TET1: variants seen among roughly 807,000 people sequenced by gnomAD.
The protein encoded by TET1 is methylcytosine dioxygenase TET1.
TET1 carries 13 observed loss-of-function variants against 148.7 expected under a neutral mutation model. That is an observed-to-expected ratio of 0.09 (90% CI 0.06 to 0.14). TET1 has a LOEUF of 0.14. Among genes scored for constraint, TET1 ranks in the 10% least tolerant of loss-of-function variants. The pLI, the probability that TET1 is intolerant of heterozygous loss-of-function variation, is 1.00. For missense variants in TET1, 2,182 were observed against 2,553.8 expected (o/e 0.85, Z 3.14); for synonymous variants, 907 against 937.2 (o/e 0.97, Z 0.59).
rs1264547810 is a variant in TET1, at chr10:68,645,358, C to A, written c.2629C>A (p.Leu877Ile). The A allele has an allele frequency of 4.3e-5, 70 of 1,614,040 alleles. No individual in the cohort carries two copies. The highest frequency in any genetic ancestry group is 5.8e-5 in the Non-Finnish European group (69 of 1,180,056). ...PKDGSPVQPS[L>I]LSLMKDRRLT... The stretch of plus-strand genomic sequence containing the variant: ...AGATGGATCTCCCGTTCAACCAAGT[C>A]TCTTATCGTTAATGAAAGATAGGAG... Residue 877 changes from leucine to isoleucine, a missense_variant, in exon 4 of 12, where the codon CTC becomes ATC. By Grantham distance (5) the Leu-to-Ile change is conservative. This residue lies in a region of TET1 where 582 missense variants were observed against 599.5 expected (regional missense o/e 0.97). Transcript: ENST00000373644.
chr10:68,580,797 A>ATATAT (rs1431291059), intron 2 of TET1, among the ~76,000 whole-genome samples: 11 of 128,326 alleles, frequency 8.6e-5, no homozygotes, highest in African/African-American at 2.8e-4. Flanking sequence ...AAAAAAAAAA[A>ATATAT]AAAAAAAAAT....
chr10:68,625,660 C>T (rs2054466853), intron 3 of TET1, among the ~76,000 whole-genome samples: 1 of 152,130 alleles, frequency 6.6e-6, no homozygotes, highest in African/African-American at 2.4e-5. Context: ...TTGCAACCTT[C>T]CTTAATTGTA....
intron 4 of TET1, among the ~76,000 whole-genome samples, chr10:68,651,264 A>G (rs914929105): frequency 2.0e-5 from 3 of 152,148 alleles, no homozygotes; most frequent in Non-Finnish European, 2.9e-5. Flanking sequence ...CCTGGCTAAC[A>G]TGGTGAAACC....
chr10:68,579,344 C>G (rs2053766953), intron 2 of TET1, among the ~76,000 whole-genome samples: 1 of 152,254 alleles, frequency 6.6e-6, no homozygotes, highest in Non-Finnish European at 1.5e-5. Flanking sequence ...TCCTCGCCTC[C>G]TTTGCTCATC....
In TET1 at chr10:68,600,981, G is replaced by A. The variant is rs545206990; in HGVS notation, c.1915G>A (p.Val639Ile). The change falls in exon 3 of 12, where the codon GTT (valine) becomes ATT (isoleucine). Residue 639 changes from valine (V) to isoleucine (I), a missense_variant and splice_region_variant. Around this residue, in one of 11 missense-constraint regions of TET1, gnomAD observed 226 missense variants for 307.4 expected, o/e 0.74. Transcript: ENST00000373644. ...CATTTTGCAATTTGATTTTTTTTAG[G>A]TTATAAAGGAAAACAAGAGGCCCCA... Reference protein sequence around the residue: ...KKPSVVVPLEVIKENKRPQRE... With the variant: ...KKPSVVVPLEIIKENKRPQRE... 2.5e-6 allele frequency: 4 copies of A among 1,602,818 alleles called. No homozygotes were observed. Among genetic ancestry groups the A allele is most frequent in the Non-Finnish European group, 3.4e-6 (4 of 1,177,612 alleles).
rs765929366 is a variant in TET1, at chr10:68,691,201, C to T, written c.5798C>T (p.Pro1933Leu). Residue 1933 changes from proline (P) to leucine (L), a missense_variant, in exon 12 of 12, where the codon CCG (proline) becomes CTG (leucine). Pro to Leu is a moderately conservative substitution (Grantham distance 98). Around this residue, in one of 11 missense-constraint regions of TET1, gnomAD observed 380 missense variants for 387.9 expected, o/e 0.98. Coordinates refer to ENST00000373644, the MANE Select transcript of TET1 (RefSeq NM_030625.3). This position sits in a 1 kb window ranked among gnomAD's most constrained non-coding sequence, Gnocchi z 4.4. ...NSEPSTGVTE[P>L]LTPHQPNHQP... ...GAGCCTTCCACTGGTGTGACTGAGC[C>T]GCTAACGCCTCATCAGCCAAACCAC... 7.0e-5 allele frequency: 113 copies of T among 1,614,142 alleles called. 1 individual carries two copies. The South Asian group carries it at 1.1e-3, about 15-fold the overall frequency.
At chr10:68,600,223 T>C (rs2054036147) in intron 2 of TET1, among the ~76,000 whole-genome samples, 1 of 152,080 alleles carries the variant, frequency 6.6e-6, no homozygotes, top group Non-Finnish European at 1.5e-5. Context: ...CTAGGCTCAG[T>C]TATGTCTCCT....
At chr10:68,595,961 T>TACAC (rs781144879) in intron 2 of TET1, among the ~76,000 whole-genome samples, 4 of 37,306 alleles carry the variant, frequency 1.1e-4, no homozygotes, top group African/African-American at 3.5e-4. Context: ...TATATATATA[T>TACAC]ACACACACAC....
chr10:68,624,646 TTCTTTCTTTCTTTCTC>T (rs1321688103), intron 3 of TET1, among the ~76,000 whole-genome samples: 132 of 54,020 alleles, frequency 2.4e-3, no homozygotes, highest in Admixed American at 4.8e-3. Context: ...CTTTCTTTCT[TTCTTTCTTTCTTTCTC>T]TCTCTCTCTC....
Position 68,686,554 on chromosome 10 carries a change from G to T in TET1, c.5251G>T (p.Val1751Phe). The stretch of plus-strand genomic sequence containing the variant: ...AAAAAGAACGTGTTTCACTCAGCCT[G>T]TTCCCCGTTCTGGAAAGAAGAGGGC... ...RKKRTCFTQP[V>F]PRSGKKRAAM... is the part of the protein sequence containing the mutation. The change falls in exon 11 of 12, where the codon GTT (valine) becomes TTT (phenylalanine). Residue 1751 changes from valine (V) to phenylalanine (F), a missense_variant. Coordinates refer to ENST00000373644, the MANE Select transcript of TET1 (RefSeq NM_030625.3). The T allele has an allele frequency of 6.2e-7, 1 of 1,614,154 alleles. No individual in the cohort carries two copies. The highest frequency in any genetic ancestry group is 8.5e-7 in the Non-Finnish European group (1 of 1,180,048).
chr10:68,662,306 G>C (rs1477824367), intron 6 of TET1, among the ~76,000 whole-genome samples: 1 of 152,054 alleles, frequency 6.6e-6, no homozygotes, highest in Non-Finnish European at 1.5e-5. Flanking sequence ...ACCGTACCCA[G>C]CCTGTTGTTA....
intron 3 of TET1, chr10:68,632,453 C>T: frequency 1.2e-6 from 2 of 1,612,402 alleles, no homozygotes; most frequent in African/African-American, 1.3e-5. Flanking sequence ...GAAAATACTC[C>T]CTGCGCCCGG....
Position 68,693,248 on chromosome 10 carries a change from G to A in TET1, c.*1434G>A, listed in dbSNP as rs1407237128. ...ACAAAAAGGATTACCCAAACAACATGTTTCGAACAAGGAGAATTTTCAATG... is the reference window on the plus strand; with the variant it reads ...ACAAAAAGGATTACCCAAACAACATATTTCGAACAAGGAGAATTTTCAATG... On this transcript the variant is annotated 3_prime_UTR_variant, in exon 12 of 12. Transcript: ENST00000373644. The A allele has an allele frequency of 8.6e-6, 2 of 232,546 alleles. No individual in the cohort carries two copies. Among genetic ancestry groups the A allele is most frequent in the African/African-American group, 4.4e-5 (2 of 45,182 alleles). The allele number at this position is 232,546 out of a possible 1,614,324, so 14.4% of individuals were successfully genotyped here. A position where few individuals can be genotyped will look rare whatever the true frequency, so the allele number is the denominator to read the frequency against.
chr10:68,563,258 A>C (rs1324128346), intron 1 of TET1, among the ~76,000 whole-genome samples: 1 of 152,172 alleles, frequency 6.6e-6, no homozygotes, highest in East Asian at 1.9e-4. Flanking sequence ...CAGCTTTTAC[A>C]TGTGCCGAGG....
In TET1 at chr10:68,646,616, C is replaced by T; in HGVS notation, c.3887C>T (p.Ala1296Val). Reference protein sequence around the residue: ...VQLTVNANQKAHPLTQPSSPP... With the variant: ...VQLTVNANQKVHPLTQPSSPP... ...TTAACGGTGAATGCCAATCAGAAAG[C>T]CCATCCTTTGACCCAGCCCTCCTCT... The change falls in exon 4 of 12, where the codon GCC becomes GTC. Residue 1296 changes from alanine (A) to valine (V), a missense_variant. Ala to Val is a moderately conservative substitution (Grantham distance 64). Transcript: ENST00000373644. The T allele has an allele frequency of 6.2e-7, 1 of 1,614,164 alleles. No individual in the cohort carries two copies.
chr10:68,639,466 CTATTAT>C (rs76248128), intron 3 of TET1, among the ~76,000 whole-genome samples: 6 of 113,164 alleles, frequency 5.3e-5, no homozygotes, highest in African/African-American at 1.7e-4. Flanking sequence ...ACTACTACTA[CTATTAT>C]TATTATTATT....
chr10:68,640,302 C>T (rs1384181591), intron 3 of TET1, among the ~76,000 whole-genome samples: 8 of 151,248 alleles, frequency 5.3e-5, no homozygotes, highest in Admixed American at 1.3e-4. Flanking sequence ...CTCACTCTGT[C>T]GCCCAGGCTG....
At chr10:68,631,977 A>C (rs1470683669) in intron 3 of TET1, among the ~76,000 whole-genome samples, 1 of 151,712 alleles carries the variant, frequency 6.6e-6, no homozygotes, top group African/African-American at 2.4e-5. Context: ...GCTATCTTTG[A>C]TCATGAGGGA....
At position 68,692,002 on chromosome 10, in the gene TET1, A is replaced by T. The variant is rs11591814; in HGVS notation, c.*188A>T. 10,165 of 640,866 alleles carry T rather than the reference A, an allele frequency of 0.016. 125 individuals are homozygous for T. The highest frequency in any genetic ancestry group is 0.023 in the South Asian group (763 of 33,216). The allele number at this position is 640,866 out of a possible 1,614,324, so 39.7% of individuals were successfully genotyped here. ...TGACTATATTTTGACAATTGGTAGA[A>T]GGTGCACATTTTAAGCAAAAATAAA... On this transcript the variant is annotated 3_prime_UTR_variant, in exon 12 of 12. Transcript: ENST00000373644.
Sources: allele counts gnomAD v4.1 joint callset (sites outside exome capture counted in the v4.1 genomes callset), GRCh38; gene constraint gnomAD v4.1.1; regional missense constraint gnomAD v4.1.1; non-coding constraint Gnocchi (gnomAD v3.1); transcripts MANE v1.5; gene names NCBI Gene and HGNC (gene_info 2026-07-23, HGNC 2026-07-21).